The following THSD7A variants were observed in gnomAD, a reference collection of about 807,000 sequenced individuals.
THSD7A encodes the protein thrombospondin type 1 domain containing 7A.
THSD7A carries 96 observed loss-of-function variants against 231.3 expected under a neutral mutation model. That is an observed-to-expected ratio of 0.41 (90% CI 0.35 to 0.49). THSD7A has a LOEUF of 0.49. Ranked by LOEUF, THSD7A falls within the 20% of genes least tolerant of loss-of-function variation. The pLI, the probability that THSD7A is intolerant of heterozygous loss-of-function variation, is 0.05. For synonymous variants in THSD7A, 940 were observed against 743.3 expected, an observed-to-expected ratio of 1.26 and a Z score of -4.30; for missense variants, 2,290 against 2,070.2, an observed-to-expected ratio of 1.11 and a Z score of -2.06.
chr7:11,587,724 T>C (rs1424476681), intron 4 of THSD7A, among the ~76,000 whole-genome samples: 2 of 152,194 alleles, frequency 1.3e-5, no homozygotes, highest in South Asian at 2.1e-4. Flanking sequence ...TAGTACAGAA[T>C]ATACCAATGA....
At chr7:11,657,567 T>G (rs1171266429) in intron 1 of THSD7A, among the ~76,000 whole-genome samples, 2 of 151,792 alleles carry the variant, frequency 1.3e-5, no homozygotes, top group East Asian at 3.9e-4. Context: ...CCTACACTCT[T>G]AAGTTATGTA....
At chr7:11,817,447 T>C (rs1325091287) in intron 1 of THSD7A, among the ~76,000 whole-genome samples, 1 of 152,174 alleles carries the variant, frequency 6.6e-6, no homozygotes, top group African/African-American at 2.4e-5. Flanking sequence ...AACCTTACAG[T>C]AAGGCTGAGC....
At chr7:11,466,821 A>G (rs1282463173) in intron 9 of THSD7A, among the ~76,000 whole-genome samples, 11 of 151,978 alleles carry the variant, frequency 7.2e-5, no homozygotes. Flanking sequence ...ACACCAGGAG[A>G]GAATAGTATC....
intron 27 of THSD7A, 143 bp downstream of exon 27, chr7:11,376,427 G>T: frequency 1.6e-6 from 1 of 628,784 alleles, no homozygotes; most frequent in Non-Finnish European, 2.6e-6. Context: ...GTAGCTTTTA[G>T]CCCATCTAGG....
At chr7:11,694,663 G>A (rs920900291) in intron 1 of THSD7A, among the ~76,000 whole-genome samples, 2 of 151,472 alleles carry the variant, frequency 1.3e-5, no homozygotes, top group Non-Finnish European at 3.0e-5. Flanking sequence ...ATAGCAATCA[G>A]AAAAGACAGC....
intron 2 of THSD7A, among the ~76,000 whole-genome samples, chr7:11,606,860 C>G (rs1052890483): frequency 6.6e-6 from 1 of 151,868 alleles, no homozygotes; most frequent in African/African-American, 2.4e-5. Context: ...TAATTTGTCC[C>G]AAGAATGAAA....
In THSD7A at chr7:11,551,456, G is replaced by T. The variant is rs575526028; in HGVS notation, c.1454-8339C>A. On this transcript the variant is annotated intron_variant, in intron 4 of 27. Coordinates refer to ENST00000423059, the MANE Select transcript of THSD7A (RefSeq NM_015204.3). ...ATTGCAAAGTATGCATCTGACAAAG[G>T]TCTAATATCCTGAATCTATAAGGAA... Among the ~76,000 whole-genome samples, 474 of 152,102 alleles carry T rather than the reference G, an allele frequency of 3.1e-3. 1 individual carries two copies. The highest frequency in any genetic ancestry group is 5.5e-3 in the Non-Finnish European group (374 of 67,978).
intron 1 of THSD7A, among the ~76,000 whole-genome samples, chr7:11,679,565 A>G (rs1252139469): frequency 2.0e-5 from 3 of 152,136 alleles, no homozygotes; most frequent in Admixed American, 2.0e-4. Flanking sequence ...ATAGACAGAG[A>G]GCCAAATCAT....
chr7:11,656,159 C>T (rs1782695845), intron 1 of THSD7A, among the ~76,000 whole-genome samples: 1 of 151,818 alleles, frequency 6.6e-6, no homozygotes, highest in African/African-American at 2.4e-5. Flanking sequence ...AAGATAAATG[C>T]CCATTATATG....
At chr7:11,614,492 T>C (rs780089614) in intron 2 of THSD7A, among the ~76,000 whole-genome samples, 5 of 152,210 alleles carry the variant, frequency 3.3e-5, no homozygotes, top group Non-Finnish European at 7.3e-5. Flanking sequence ...CCAGTACTGC[T>C]GTAGCTGGTG....
chr7:11,503,146 G>A lies in THSD7A; in HGVS notation c.1823-21164C>T, dbSNP rs141208340. On this transcript the variant is annotated intron_variant, in intron 6 of 27. Coordinates refer to ENST00000423059, the MANE Select transcript of THSD7A (RefSeq NM_015204.3). ...CCAATGGAACAGAATAGAGAGCCCA[G>A]AAATAAGGTTGCACATCTACGACCA... is the stretch of plus-strand genomic sequence containing the variant. Among the ~76,000 whole-genome samples the A allele has an allele frequency of 5.6e-3, 853 of 152,248 alleles. 8 individuals carry two copies. The highest frequency in any genetic ancestry group is 0.019 in the African/African-American group (809 of 41,534).
In THSD7A at chr7:11,373,906, G is replaced by A. The variant is rs1782161147; in HGVS notation, c.*1888C>T. The A allele has an allele frequency of 6.6e-6, 1 of 152,000 alleles. No individual in the cohort carries two copies. The highest frequency in any genetic ancestry group is 2.4e-5 in the African/African-American group (1 of 41,422). 9.4% of individuals were successfully genotyped at this position (152,000 alleles called of 1,614,324 possible). A position where few individuals can be genotyped will look rare whatever the true frequency, so the allele number is the denominator to read the frequency against. ...TGTTGCAATAATGTTGCCTGAAAAT[G>A]GTATTGCTTTTTAATGGCACCTTTT... On this transcript the variant is annotated 3_prime_UTR_variant, in exon 28 of 28. Coordinates refer to ENST00000423059, the MANE Select transcript of THSD7A (RefSeq NM_015204.3).
chr7:11,486,961 G>C (rs979554981), intron 6 of THSD7A, among the ~76,000 whole-genome samples: 16 of 152,076 alleles, frequency 1.1e-4, no homozygotes, highest in African/African-American at 3.9e-4. Context: ...AAGAGGTTGA[G>C]ATATAAAATG....
intron 1 of THSD7A, among the ~76,000 whole-genome samples, chr7:11,734,301 T>C (rs1322265135): frequency 6.6e-6 from 1 of 151,984 alleles, no homozygotes; most frequent in Non-Finnish European, 1.5e-5. Context: ...GCACAACCTC[T>C]AATCATTGGA....
intron 1 of THSD7A, among the ~76,000 whole-genome samples, chr7:11,737,683 A>G (rs569041903): frequency 1.8e-4 from 27 of 152,100 alleles, no homozygotes; most frequent in African/African-American, 6.5e-4. Context: ...CAAGTTCTAG[A>G]AATTTTGGGG....
At chr7:11,643,187 T>G (rs2128364408) in intron 1 of THSD7A, among the ~76,000 whole-genome samples, 1 of 152,204 alleles carries the variant, frequency 6.6e-6, no homozygotes, top group Admixed American at 6.6e-5. Flanking sequence ...TGTTTTCCCC[T>G]TCTGGATTTG....
At chr7:11,471,696 C>T (rs754152035) in intron 8 of THSD7A, among the ~76,000 whole-genome samples, 26 of 152,012 alleles carry the variant, frequency 1.7e-4, no homozygotes, top group South Asian at 1.2e-3. Context: ...TTCAAAGTCA[C>T]GGACAACAAA....
rs28540955 is a variant in THSD7A, at chr7:11,496,556, G to A, written c.1823-14574C>T. On this transcript the variant is annotated intron_variant, in intron 6 of 27. Transcript: ENST00000423059. Reference sequence around the variant, plus strand: ...TTTTCATGTATGAGGCCAAATTATCGTTACAGAGATGATAGATATTCCTCC... The same window carrying A: ...TTTTCATGTATGAGGCCAAATTATCATTACAGAGATGATAGATATTCCTCC... Among the ~76,000 whole-genome samples the A allele has an allele frequency of 6.5e-3, 983 of 152,164 alleles. 13 individuals are homozygous for A. Among genetic ancestry groups the A allele is most frequent in the African/African-American group, 0.022 (910 of 41,512 alleles).
intron 2 of THSD7A, among the ~76,000 whole-genome samples, chr7:11,615,821 C>G (rs1239115753): frequency 6.6e-6 from 1 of 152,134 alleles, no homozygotes; most frequent in Non-Finnish European, 1.5e-5. Flanking sequence ...TGTATTTTAT[C>G]TGACATTATA....
Sources: allele counts gnomAD v4.1 joint callset (sites outside exome capture counted in the v4.1 genomes callset), GRCh38; gene constraint gnomAD v4.1.1; transcripts MANE v1.5; gene names NCBI Gene and HGNC (gene_info 2026-07-23, HGNC 2026-07-21).